The following RAP1GAP2 variants were observed in gnomAD, a reference collection of about 807,000 sequenced individuals.
The protein encoded by RAP1GAP2 is RAP1 GTPase activating protein 2.
Under a neutral mutation model 95.0 loss-of-function variants are expected in RAP1GAP2, and 27 were observed. The ratio of observed to expected loss-of-function variants is 0.28; its 90% confidence interval spans 0.21 to 0.39. The LOEUF (loss-of-function observed/expected upper bound fraction) is 0.39, where lower values mean the gene tolerates loss of function less well. Ranked by LOEUF, RAP1GAP2 falls within the 10% of genes least tolerant of loss-of-function variation. RAP1GAP2 has a pLI of 1.00. For synonymous variants in RAP1GAP2, 373 were observed against 380.9 expected (o/e 0.98, Z 0.24); for missense variants, 771 against 970.0 (o/e 0.79, Z 2.72).
chr17:2,879,705 G>C (rs1409079348), intron 2 of RAP1GAP2, among the ~76,000 whole-genome samples: 1 of 145,918 alleles, frequency 6.9e-6, no homozygotes, highest in South Asian at 2.1e-4. Flanking sequence ...CAGCCTGGGC[G>C]ACAGGGCGAG....
At chr17:3,013,655 GT>G (rs1241816063) in intron 17 of RAP1GAP2, among the ~76,000 whole-genome samples, 1 of 25,844 alleles carries the variant, frequency 3.9e-5, no homozygotes, top group Non-Finnish European at 8.7e-5. Flanking sequence ...TTTTTTTTTG[GT>G]GGGAGCCTTG....
At chr17:2,769,372 G>A (rs1370312241) in intron 1 of RAP1GAP2, among the ~76,000 whole-genome samples, 11 of 149,864 alleles carry the variant, frequency 7.3e-5, no homozygotes, top group South Asian at 2.1e-4. Flanking sequence ...TGGCTAACAC[G>A]GTGAAACCCC....
chr17:2,959,282 G>C (rs2044227875), intron 4 of RAP1GAP2, among the ~76,000 whole-genome samples: 1 of 152,114 alleles, frequency 6.6e-6, no homozygotes, highest in South Asian at 2.1e-4. Context: ...GTGTTGTGTT[G>C]TGTAGAGGCT....
intron 2 of RAP1GAP2, among the ~76,000 whole-genome samples, chr17:2,841,806 C>A: frequency 6.6e-6 from 1 of 152,152 alleles, no homozygotes; most frequent in East Asian, 1.9e-4. Context: ...TCAGACACAG[C>A]GCAGAGGGGC....
intron 2 of RAP1GAP2, among the ~76,000 whole-genome samples, chr17:2,865,444 G>C (rs1347239004): frequency 6.6e-6 from 1 of 152,192 alleles, no homozygotes; most frequent in East Asian, 1.9e-4. Context: ...TAAGCTGAAA[G>C]GTCTCCTGGC....
At chr17:2,998,571 T>A (rs1206150256) in intron 14 of RAP1GAP2, among the ~76,000 whole-genome samples, 195 bp downstream of exon 14, 1 of 152,238 alleles carries the variant, frequency 6.6e-6, no homozygotes, top group African/African-American at 2.4e-5. Flanking sequence ...GCCTCCGGGC[T>A]CAATGGCATC....
At chr17:2,815,418 C>A (rs1243645116) in intron 2 of RAP1GAP2, among the ~76,000 whole-genome samples, 2 of 151,642 alleles carry the variant, frequency 1.3e-5, no homozygotes, top group Non-Finnish European at 2.9e-5. Context: ...TGCCTGGTAC[C>A]TAGTGCTCAA....
intron 20 of RAP1GAP2, 96 bp downstream of exon 20, chr17:3,026,217 C>A: frequency 1.5e-6 from 2 of 1,299,272 alleles, no homozygotes; most frequent in Non-Finnish European, 2.2e-6. Flanking sequence ...CCATCTCCTG[C>A]CTCTGGAACT....
chr17:2,852,064 G>C (rs765465588), intron 2 of RAP1GAP2, among the ~76,000 whole-genome samples: 3 of 152,166 alleles, frequency 2.0e-5, no homozygotes, highest in Non-Finnish European at 2.9e-5. Context: ...TAACCTGTGG[G>C]TCCTCGGGTG....
chr17:3,010,336 C>CAAAAAAAA (rs1179623628), intron 17 of RAP1GAP2, among the ~76,000 whole-genome samples: 10 of 70,264 alleles, frequency 1.4e-4, no homozygotes, highest in South Asian at 5.0e-4. Context: ...GAGACTGTCT[C>CAAAAAAAA]AAAAAAAAAA....
At chr17:2,793,751 G>A (rs2068992244), upstream of RAP1GAP2, among the ~76,000 whole-genome samples, 1 of 152,182 alleles carries the variant, frequency 6.6e-6, no homozygotes, top group Admixed American at 6.6e-5. Flanking sequence ...TCCTATACCC[G>A]GGGTCAGCTG....
chr17:3,009,929 G>A (rs781206180), intron 17 of RAP1GAP2, among the ~76,000 whole-genome samples: 4 of 152,082 alleles, frequency 2.6e-5, no homozygotes, highest in African/African-American at 7.2e-5. Flanking sequence ...AGGCAGGAAG[G>A]GGGGCACCAC....
intron 8 of RAP1GAP2, among the ~76,000 whole-genome samples, chr17:2,967,711 G>C (rs2044677769): frequency 6.6e-6 from 1 of 152,174 alleles, no homozygotes; most frequent in African/African-American, 2.4e-5. Flanking sequence ...CCAGACATAA[G>C]AAATTGGCTC....
At chr17:2,955,410 C>T (rs1567819181) in intron 3 of RAP1GAP2, among the ~76,000 whole-genome samples, 1 of 152,058 alleles carries the variant, frequency 6.6e-6, no homozygotes, top group African/African-American at 2.4e-5. Context: ...ACTTATTGTT[C>T]CTTTGTATGT....
chr17:2,836,757 A>G (rs958330742), intron 2 of RAP1GAP2, among the ~76,000 whole-genome samples: 1 of 152,148 alleles, frequency 6.6e-6, no homozygotes, highest in African/African-American at 2.4e-5. Flanking sequence ...TAATTCCTGC[A>G]TTTATTTCAT....
At chr17:2,952,680 G>A (rs1274975876) in intron 3 of RAP1GAP2, among the ~76,000 whole-genome samples, 1 of 152,182 alleles carries the variant, frequency 6.6e-6, no homozygotes, top group African/African-American at 2.4e-5. Flanking sequence ...ATCTGATAGT[G>A]AAAGATGTTA....
rs372423924 is a variant in RAP1GAP2, at chr17:2,870,368, C to G, written c.81-34916C>G. Among the ~76,000 whole-genome samples, 1 of 152,064 alleles carries G rather than the reference C, an allele frequency of 6.6e-6. No homozygotes were observed. Among genetic ancestry groups the G allele is most frequent in the East Asian group, 1.9e-4 (1 of 5,184 alleles). ...TCTTGACCTCGTGATCTGCCTGCCT[C>G]GTCCTCCCAAAGTGCTGGGATTACA... On this transcript the variant is annotated intron_variant, in intron 2 of 24. Coordinates refer to ENST00000254695, the MANE Select transcript of RAP1GAP2 (RefSeq NM_015085.5). This position sits in a 1 kb window ranked among gnomAD's most constrained non-coding sequence, Gnocchi z 4.4.
chr17:2,980,395 C>T, intron 9 of RAP1GAP2, 30 bp downstream of exon 9: 6 of 1,606,416 alleles, frequency 3.7e-6, no homozygotes, highest in South Asian at 2.2e-5. Context: ...GAGATGGTGG[C>T]TTCCTCTCTC....
At chr17:2,820,157 C>G (rs1409327171) in intron 2 of RAP1GAP2, among the ~76,000 whole-genome samples, 1 of 152,070 alleles carries the variant, frequency 6.6e-6, no homozygotes, top group Non-Finnish European at 1.5e-5. Flanking sequence ...CCATTGATCC[C>G]CTCTTGCTGG....
Sources: allele counts gnomAD v4.1 joint callset (sites outside exome capture counted in the v4.1 genomes callset), GRCh38; gene constraint gnomAD v4.1.1; non-coding constraint Gnocchi (gnomAD v3.1); transcripts MANE v1.5; gene names NCBI Gene and HGNC (gene_info 2026-07-23, HGNC 2026-07-21).